Variants in CSNK1A1 observed in about 807,000 individuals in gnomAD.
CSNK1A1 encodes the protein casein kinase 1 alpha 1, also known as casein kinase I isoform alpha.
Under a neutral mutation model 46.1 loss-of-function variants are expected in CSNK1A1, and 7 were observed. That is an observed-to-expected ratio of 0.15 (90% CI 0.09 to 0.29). The LOEUF (loss-of-function observed/expected upper bound fraction) is 0.29. Among genes scored for constraint, CSNK1A1 ranks in the 10% least tolerant of loss-of-function variants. The probability of loss-of-function intolerance (pLI) is 1.00; values close to 1 mark genes in which losing one functional copy is unlikely to be tolerated. For synonymous variants in CSNK1A1, 137 were observed against 141.5 expected, an observed-to-expected ratio of 0.97 and a Z score of 0.23; for missense variants, 96 against 417.1, an observed-to-expected ratio of 0.23 and a Z score of 6.71.
At chr5:149,541,970 CAA>C (rs1171466150) in intron 2 of CSNK1A1, among the ~76,000 whole-genome samples, 8 of 40,048 alleles carry the variant, frequency 2.0e-4, no homozygotes, top group Non-Finnish European at 1.5e-4. Context: ...GACTGCATCT[CAA>C]AAAAAAAAAA....
rs181239674 is a variant in CSNK1A1 at position 149,500,929 on chromosome 5, T to C, written c.1007-4069A>G. 3.3e-4 allele frequency: 326 copies of C among 976,658 alleles called. 1 individual carries two copies. The African/African-American group carries it at 5.1e-3, about 15-fold the overall frequency. 60.5% of individuals were successfully genotyped at this position (976,658 alleles called of 1,614,324 possible). On this transcript the variant is annotated intron_variant, in intron 9 of 9. Coordinates refer to ENST00000377843, the MANE Select transcript of CSNK1A1 (RefSeq NM_001892.6). ...AGGTATACACTATTCCTAAACTGCA[T>C]TAAAAAACAGACTGAATTGTTTTGT...
At chr5:149,543,356 G>T (rs1762362342) in intron 2 of CSNK1A1, among the ~76,000 whole-genome samples, 1 of 152,140 alleles carries the variant, frequency 6.6e-6, no homozygotes, top group Non-Finnish European at 1.5e-5. Flanking sequence ...ATTTTGTCCA[G>T]CTTAAAATGC....
intron 3 of CSNK1A1, among the ~76,000 whole-genome samples, chr5:149,522,168 C>T (rs1761591678): frequency 6.6e-6 from 1 of 151,922 alleles, no homozygotes; most frequent in African/African-American, 2.4e-5. Flanking sequence ...GGTGCAGTGA[C>T]GAGATCACGG....
chr5:149,517,758 T>A lies in CSNK1A1; in HGVS notation c.456+2532A>T, dbSNP rs747802987. 7.9e-7 allele frequency: 1 copy of A among 1,269,396 alleles called. No homozygotes were observed. The highest frequency in any genetic ancestry group is 1.3e-5 in the South Asian group (1 of 77,078). 78.6% of individuals were successfully genotyped at this position (1,269,396 alleles called of 1,614,324 possible). On this transcript the variant is annotated intron_variant, in intron 4 of 9. Coordinates refer to ENST00000377843, the MANE Select transcript of CSNK1A1 (RefSeq NM_001892.6). The surrounding 1 kb of genome is among the most constrained non-coding windows in gnomAD (Gnocchi z 4.4). The stretch of plus-strand genomic sequence containing the variant: ...CAATAAAAAAGAAAAGCACATGAAT[T>A]TGGGATTGAGGTTGGAATAGGAGAC...
intron 8 of CSNK1A1, 39 bp downstream of exon 8, chr5:149,506,988 T>G (rs753027853): frequency 3.3e-6 from 5 of 1,494,334 alleles, no homozygotes; most frequent in Non-Finnish European, 4.6e-6. Context: ...CCAATTTCCC[T>G]CACAGAGTTT....
intron 9 of CSNK1A1, chr5:149,498,531 A>G: frequency 2.0e-6 from 2 of 985,306 alleles, no homozygotes; most frequent in African/African-American, 3.5e-5. Context: ...AGTTTAAAAA[A>G]GAAAAAAAGT....
chr5:149,518,561 T>TA (rs1761465379), intron 4 of CSNK1A1, among the ~76,000 whole-genome samples: 1 of 152,088 alleles, frequency 6.6e-6, no homozygotes, highest in South Asian at 2.1e-4. Context: ...AACAAAACAC[T>TA]AATCTAAAAT....
At chr5:149,526,745 A>C (rs1761735617) in intron 2 of CSNK1A1, among the ~76,000 whole-genome samples, 1 of 152,146 alleles carries the variant, frequency 6.6e-6, no homozygotes, top group East Asian at 1.9e-4. Flanking sequence ...CATCTACCAA[A>C]ACTGCAGAAA....
At position 149,550,056 on chromosome 5, in the gene CSNK1A1, A is replaced by G. The variant is rs781223250; in HGVS notation, c.230+19T>C. On this transcript the variant is annotated intron_variant, in intron 2 of 9. Transcript: ENST00000377843. The surrounding 1 kb of genome is among the most constrained non-coding windows in gnomAD (Gnocchi z 4.3). Reference sequence around the variant, plus strand: ...CCGTGCTTCCCTCAGCGGATCGCCTATATGCACCGGGTTCTTACCGTATGT... The same window carrying G: ...CCGTGCTTCCCTCAGCGGATCGCCTGTATGCACCGGGTTCTTACCGTATGT... 25 of 1,610,728 alleles carry G rather than the reference A, an allele frequency of 1.6e-5. No individual in the cohort carries two copies. Among genetic ancestry groups the G allele is most frequent in the African/African-American group, 2.7e-5 (2 of 74,810 alleles).
rs1343789081 is a variant in CSNK1A1 at position 149,551,126 on chromosome 5, A to T, written c.-162T>A. 1.5e-6 allele frequency: 1 copy of T among 665,930 alleles called. No individual in the cohort carries two copies. The highest frequency in any genetic ancestry group is 2.5e-6 in the Non-Finnish European group (1 of 397,406). The allele number at this position is 665,930 out of a possible 1,614,324, so 41.3% of individuals were successfully genotyped here. A position where few individuals can be genotyped will look rare whatever the true frequency, so the allele number is the denominator to read the frequency against. ...TCGGGGCCCAGAATCAGCAGAGGGG[A>T]ACCTGATCACCGCCGCTCAGTCAGG... On this transcript the variant is annotated 5_prime_UTR_variant, in exon 1 of 10. Coordinates refer to ENST00000377843, the MANE Select transcript of CSNK1A1 (RefSeq NM_001892.6).
intron 2 of CSNK1A1, among the ~76,000 whole-genome samples, chr5:149,534,513 G>C (rs556414305): frequency 6.8e-6 from 1 of 146,074 alleles, no homozygotes; most frequent in African/African-American, 2.6e-5. Flanking sequence ...AAAAAAGAAG[G>C]CTTCCTAAAA....
intron 9 of CSNK1A1, chr5:149,497,281 A>T: frequency 1.0e-6 from 1 of 993,260 alleles, no homozygotes; most frequent in Non-Finnish European, 1.2e-6. Context: ...ACACAAATTA[A>T]AACGGTTAGC....
chr5:149,509,684 T>C (rs112320071), intron 7 of CSNK1A1, among the ~76,000 whole-genome samples, 195 bp downstream of exon 7: 1 of 151,760 alleles, frequency 6.6e-6, no homozygotes, highest in Non-Finnish European at 1.5e-5. Context: ...GATTGCAGGC[T>C]TGAGCCACTG....
At chr5:149,519,988 G>A (rs1189101124) in intron 4 of CSNK1A1, among the ~76,000 whole-genome samples, 1 of 152,128 alleles carries the variant, frequency 6.6e-6, no homozygotes, top group Admixed American at 6.5e-5. Flanking sequence ...TTTTGTGAAT[G>A]AAAAATAGAT....
chr5:149,526,171 G>A (rs1269551625), intron 2 of CSNK1A1, among the ~76,000 whole-genome samples: 5 of 151,654 alleles, frequency 3.3e-5, no homozygotes, highest in African/African-American at 1.2e-4. Context: ...ACAAGGTCTC[G>A]CTCTGTTGCC....
At chr5:149,509,081 T>C (rs1580825244) in intron 7 of CSNK1A1, among the ~76,000 whole-genome samples, 4 of 151,844 alleles carry the variant, frequency 2.6e-5, no homozygotes, top group Admixed American at 2.6e-4. Flanking sequence ...TGCGTCACCA[T>C]GCCAGGCTAA....
intron 2 of CSNK1A1, among the ~76,000 whole-genome samples, chr5:149,543,583 C>T (rs148332724): frequency 6.6e-6 from 1 of 152,090 alleles, no homozygotes; most frequent in African/African-American, 2.4e-5. Context: ...TGATAACAGC[C>T]ATTATGTTAT....
chr5:149,510,407 C>G (rs1761178681), intron 6 of CSNK1A1, among the ~76,000 whole-genome samples: 1 of 151,954 alleles, frequency 6.6e-6, no homozygotes, highest in South Asian at 2.1e-4. Context: ...GTAGCTGGGA[C>G]TACAGGTGTG....
intron 2 of CSNK1A1, among the ~76,000 whole-genome samples, chr5:149,532,426 C>T (rs1056772778): frequency 2.6e-5 from 4 of 151,316 alleles, no homozygotes; most frequent in African/African-American, 7.3e-5. Flanking sequence ...GGTGCAGTGG[C>T]TCACACCTGC....
Sources: allele counts gnomAD v4.1 joint callset (sites outside exome capture counted in the v4.1 genomes callset), GRCh38; gene constraint gnomAD v4.1.1; non-coding constraint Gnocchi (gnomAD v3.1); transcripts MANE v1.5; gene names NCBI Gene and HGNC (gene_info 2026-07-23, HGNC 2026-07-21).